Variants in EYA4 observed in about 807,000 individuals in gnomAD.
The protein encoded by EYA4 is protein phosphatase EYA4.
Under a neutral mutation model 87.9 loss-of-function variants are expected in EYA4, and 31 were observed. The observed-to-expected ratio is 0.35, with a 90% CI of 0.27 to 0.48. EYA4 has a LOEUF of 0.48. Ranked by LOEUF, EYA4 falls within the 20% of genes least tolerant of loss-of-function variation. The pLI, the probability that EYA4 is intolerant of heterozygous loss-of-function variation, is 0.99. For synonymous variants in EYA4, 263 were observed against 270.6 expected, an observed-to-expected ratio of 0.97 and a Z score of 0.28; for missense variants, 678 against 761.4, an observed-to-expected ratio of 0.89 and a Z score of 1.29.
intron 3 of EYA4, among the ~76,000 whole-genome samples, chr6:133,414,200 T>C (rs2128547354): frequency 6.6e-6 from 1 of 152,246 alleles, no homozygotes; most frequent in Middle Eastern, 3.4e-3. Flanking sequence ...CGATCCTCCA[T>C]GTTCTCTATG....
chr6:133,274,901 G>A, intron 2 of EYA4, 88 bp downstream of exon 2: 1 of 985,210 alleles, frequency 1.0e-6, no homozygotes, highest in Non-Finnish European at 1.6e-6. Context: ...TAAGAAGTAA[G>A]TTTTTCATTA....
At chr6:133,504,689 G>A (rs1798439368) in intron 13 of EYA4, among the ~76,000 whole-genome samples, 1 of 152,078 alleles carries the variant, frequency 6.6e-6, no homozygotes, top group South Asian at 2.1e-4. Context: ...CATGATGAAA[G>A]GAAATATAGG....
chr6:133,354,580 G>T (rs893010561), intron 2 of EYA4, among the ~76,000 whole-genome samples: 3 of 151,996 alleles, frequency 2.0e-5, no homozygotes, highest in African/African-American at 7.2e-5. Context: ...CAGCAGAAAG[G>T]GAAAACAAAT....
chr6:133,326,447 T>G (rs1003588238), intron 2 of EYA4, among the ~76,000 whole-genome samples: 3 of 152,192 alleles, frequency 2.0e-5, no homozygotes, highest in African/African-American at 7.2e-5. Context: ...TGAAAAAAAT[T>G]GGAAATCTGA....
intron 2 of EYA4, among the ~76,000 whole-genome samples, chr6:133,358,750 C>T (rs956368108): frequency 2.5e-4 from 38 of 152,232 alleles, no homozygotes; most frequent in East Asian, 3.9e-4. Context: ...AATGGACATA[C>T]AGAGTGTATG....
chr6:133,288,024 GA>G (rs1481147720), intron 2 of EYA4, among the ~76,000 whole-genome samples: 1 of 152,132 alleles, frequency 6.6e-6, no homozygotes, highest in African/African-American at 2.4e-5. Flanking sequence ...AGCTACTCGG[GA>G]GGCTGAAGTA....
Position 133,531,108 on chromosome 6 carries a change from T to C in EYA4, c.*2303T>C. The C allele has an allele frequency of 6.7e-7, 1 of 1,493,914 alleles. No individual in the cohort carries two copies. The highest frequency in any genetic ancestry group is 8.9e-7 in the Non-Finnish European group (1 of 1,124,336). 92.5% of individuals were successfully genotyped at this position (1,493,914 alleles called of 1,614,324 possible). ...CTTTTTATGCTGCTAAGTCTGTGGG[T>C]GCAGAAAGAAACACCCCTTGGAAGG... On this transcript the variant is annotated 3_prime_UTR_variant, in exon 20 of 20. Coordinates refer to ENST00000355286, the MANE Select transcript of EYA4 (RefSeq NM_004100.5).
chr6:133,446,481 A>G, intron 3 of EYA4, 149 bp from the exon 4 acceptor site: 1 of 828,818 alleles, frequency 1.2e-6, no homozygotes, highest in Admixed American at 2.0e-5. Flanking sequence ...GTTTCTCATG[A>G]ACTGGCATGT....
chr6:133,364,215 G>A (rs1784685841), intron 2 of EYA4, among the ~76,000 whole-genome samples: 1 of 152,188 alleles, frequency 6.6e-6, no homozygotes, highest in Admixed American at 6.5e-5. Context: ...CAATGACCTA[G>A]GTGTTTGGGC....
intron 2 of EYA4, among the ~76,000 whole-genome samples, chr6:133,283,084 A>G (rs1777757215): frequency 6.6e-6 from 1 of 152,092 alleles, no homozygotes; most frequent in African/African-American, 2.4e-5. Context: ...ACCTGAGGTC[A>G]GGAGTTCGAG....
intron 3 of EYA4, among the ~76,000 whole-genome samples, chr6:133,396,510 CAT>C (rs1787812609): frequency 6.6e-6 from 1 of 152,164 alleles, no homozygotes; most frequent in Non-Finnish European, 1.5e-5. Context: ...ATAGGAGCAT[CAT>C]GTGTGACATC....
intron 2 of EYA4, among the ~76,000 whole-genome samples, chr6:133,345,810 AG>A (rs1455087357): frequency 6.6e-6 from 1 of 152,236 alleles, no homozygotes; most frequent in Non-Finnish European, 1.5e-5. Context: ...TTAAAGGAAA[AG>A]TCTCTTATAA....
At chr6:133,298,964 G>C (rs918592600) in intron 2 of EYA4, among the ~76,000 whole-genome samples, 1 of 152,174 alleles carries the variant, frequency 6.6e-6, no homozygotes, top group Non-Finnish European at 1.5e-5. Flanking sequence ...AAGAGTCTCT[G>C]CCTTGAAGAA....
intron 11 of EYA4, 117 bp from the exon 12 acceptor site, chr6:133,481,346 T>A: frequency 2.0e-6 from 2 of 995,372 alleles, no homozygotes; most frequent in Non-Finnish European, 3.2e-6. Flanking sequence ...ATAAATCTCT[T>A]TTTTGCCATC....
At chr6:133,298,204 C>T (rs1040619680) in intron 2 of EYA4, among the ~76,000 whole-genome samples, 1 of 152,120 alleles carries the variant, frequency 6.6e-6, no homozygotes, top group Non-Finnish European at 1.5e-5. Flanking sequence ...AACTCCTGTG[C>T]CCTTTTGCTG....
chr6:133,422,336 C>G (rs1460927616), intron 3 of EYA4, among the ~76,000 whole-genome samples: 3 of 152,110 alleles, frequency 2.0e-5, no homozygotes, highest in Non-Finnish European at 4.4e-5. Context: ...ATATAATATG[C>G]TTTTGCCAGT....
chr6:133,379,833 T>C (rs1212772181), intron 2 of EYA4, among the ~76,000 whole-genome samples: 1 of 152,134 alleles, frequency 6.6e-6, no homozygotes, highest in Non-Finnish European at 1.5e-5. Flanking sequence ...TTCCCAACTT[T>C]CAGCCCTCAC....
At chr6:133,282,491 T>G (rs1777705094) in intron 2 of EYA4, among the ~76,000 whole-genome samples, 1 of 152,202 alleles carries the variant, frequency 6.6e-6, no homozygotes, top group African/African-American at 2.4e-5. Context: ...AGCACAAGAT[T>G]TCATTAATTA....
intron 1 of EYA4, among the ~76,000 whole-genome samples, chr6:133,243,859 G>A (rs1038020068): frequency 2.0e-5 from 3 of 152,144 alleles, no homozygotes; most frequent in Admixed American, 6.5e-5. Flanking sequence ...ACAAGAGACA[G>A]ATTGTTTTGT....
Sources: allele counts gnomAD v4.1 joint callset (sites outside exome capture counted in the v4.1 genomes callset), GRCh38; gene constraint gnomAD v4.1.1; transcripts MANE v1.5; gene names NCBI Gene and HGNC (gene_info 2026-07-23, HGNC 2026-07-21).